The following MAPK10 variants were observed in gnomAD, a reference collection of about 807,000 sequenced individuals.
MAPK10 encodes the protein JNK3 alpha protein kinase.
Under a neutral mutation model 59.3 loss-of-function variants are expected in MAPK10, and 25 were observed. The observed-to-expected ratio is 0.42, with a 90% confidence interval of 0.31 to 0.59. The LOEUF is 0.59. MAPK10 is among the 20% of genes least tolerant of loss of function. The pLI is 0.15. For synonymous variants in MAPK10, 190 were observed against 200.5 expected, an observed-to-expected ratio of 0.95 and a Z score of 0.44; for missense variants, 351 against 568.9, an observed-to-expected ratio of 0.62 and a Z score of 3.90.
Position 86,067,908 on chromosome 4 carries a change from G to A in MAPK10, c.850C>T (p.Pro284Ser), listed in dbSNP as rs1330290049. 6.2e-7 allele frequency: 1 copy of A among 1,613,622 alleles called. No individual in the cohort carries two copies. Among genetic ancestry groups the A allele is most frequent in the African/African-American group, 1.3e-5 (1 of 74,888 alleles). Residue 284 changes from proline to serine, a missense_variant, in exon 10 of 14, where the codon CCA becomes TCA. Around this residue, in one of 5 missense-constraint regions of MAPK10, gnomAD observed 76 missense variants for 197.9 expected, o/e 0.38. Transcript: ENST00000641462. ...GGTTGCAATTTCTTCATGAATTCTG[G>A]ACATGGTGTTCCTAGTTGTTCAATT... is the stretch of plus-strand genomic sequence containing the variant. ...KVIEQLGTPCPEFMKKLQPTV... is the reference protein window; with the variant it reads ...KVIEQLGTPCSEFMKKLQPTV...
At chr4:86,212,986 T>C (rs2086285329) in intron 2 of MAPK10, among the ~76,000 whole-genome samples, 1 of 152,118 alleles carries the variant, frequency 6.6e-6, no homozygotes, top group Admixed American at 6.6e-5. Flanking sequence ...TAGTCCAAGA[T>C]ATAATACACT....
At chr4:86,091,027 T>C (rs2053028724) in intron 9 of MAPK10, 2 of 152,208 alleles carry the variant, frequency 1.3e-5, no homozygotes, top group Non-Finnish European at 2.9e-5. Context: ...TCTCTAAACC[T>C]CAATTTTATC....
intron 4 of MAPK10, among the ~76,000 whole-genome samples, chr4:86,144,030 A>G (rs970580268): frequency 6.6e-6 from 1 of 152,182 alleles, no homozygotes; most frequent in African/African-American, 2.4e-5. Flanking sequence ...TTTTGAATGC[A>G]TACAAGAGGA....
intron 2 of MAPK10, among the ~76,000 whole-genome samples, chr4:86,241,051 C>G (rs2092691717): frequency 6.6e-6 from 1 of 152,132 alleles, no homozygotes; most frequent in East Asian, 1.9e-4. Context: ...AATCCCTCAG[C>G]ATTTTCTTGT....
chr4:86,162,772 T>C (rs1388229448), intron 3 of MAPK10, among the ~76,000 whole-genome samples: 1 of 152,196 alleles, frequency 6.6e-6, no homozygotes, highest in African/African-American at 2.4e-5. Context: ...GGTATAAAGT[T>C]GTAATGTTTG....
At chr4:86,063,201 C>A (rs1239341764) in intron 11 of MAPK10, among the ~76,000 whole-genome samples, 3 of 152,148 alleles carry the variant, frequency 2.0e-5, no homozygotes, top group Non-Finnish European at 4.4e-5. Context: ...TCTTTCGTAT[C>A]TTCTCTAGTG....
chr4:86,292,600 T>C (rs964747529), intron 2 of MAPK10, among the ~76,000 whole-genome samples: 4 of 152,204 alleles, frequency 2.6e-5, no homozygotes, highest in East Asian at 1.9e-4. Context: ...TGTCTGCCTG[T>C]AGTCCTAACT....
rs370054012 is a variant in MAPK10, at chr4:86,293,426, G to T, written c.-7+61104C>A. On this transcript the variant is annotated intron_variant, in intron 2 of 13. Transcript: ENST00000641462. The stretch of plus-strand genomic sequence containing the variant: ...GAGCACAGAGCACTTCTTTAGAAAG[G>T]GTTTAACTTGCATCCCATGTCTGAT... Among the ~76,000 whole-genome samples, 39 of 152,224 alleles carry T rather than the reference G, an allele frequency of 2.6e-4. 1 individual carries two copies. The South Asian group carries it at 7.0e-3, about 28-fold the overall frequency.
At chr4:86,199,451 A>G (rs2082131464) in intron 2 of MAPK10, among the ~76,000 whole-genome samples, 1 of 152,046 alleles carries the variant, frequency 6.6e-6, no homozygotes, top group South Asian at 2.1e-4. Flanking sequence ...AATTTTGAAA[A>G]TATGCACAAC....
intron 3 of MAPK10, among the ~76,000 whole-genome samples, chr4:86,163,395 A>G (rs1375176516): frequency 6.6e-6 from 1 of 152,110 alleles, no homozygotes; most frequent in Non-Finnish European, 1.5e-5. Context: ...TTCTTTATAA[A>G]ATGTGCCCAT....
intron 9 of MAPK10, among the ~76,000 whole-genome samples, chr4:86,084,025 C>A (rs1261530332): frequency 6.6e-6 from 1 of 152,078 alleles, no homozygotes; most frequent in African/African-American, 2.4e-5. Flanking sequence ...ACTGAAGAGT[C>A]CTTGGTCCCT....
intron 2 of MAPK10, among the ~76,000 whole-genome samples, chr4:86,216,432 G>A (rs1434727065): frequency 1.3e-5 from 2 of 151,286 alleles, no homozygotes; most frequent in African/African-American, 4.9e-5. Flanking sequence ...CTACTCAATT[G>A]TACAATTAAA....
At chr4:86,505,102 G>T (rs2149081004) in intron 1 of MAPK10, among the ~76,000 whole-genome samples, 1 of 152,162 alleles carries the variant, frequency 6.6e-6, no homozygotes, top group East Asian at 1.9e-4. Flanking sequence ...AATTGTTTTG[G>T]TTCAACCTTC....
chr4:86,148,985 G>C (rs965513162), intron 4 of MAPK10, among the ~76,000 whole-genome samples: 1 of 152,138 alleles, frequency 6.6e-6, no homozygotes, highest in Admixed American at 6.5e-5. Flanking sequence ...AGAGGTAGGA[G>C]GGCACCAGGA....
chr4:86,102,104 C>A, intron 6 of MAPK10, 72 bp from the exon 7 acceptor site: 1 of 1,326,910 alleles, frequency 7.5e-7, no homozygotes, highest in Non-Finnish European at 1.1e-6. Flanking sequence ...AGTCAGAATG[C>A]TCTCCTAACT....
At chr4:86,588,927 A>C (rs950172267) in intron 1 of MAPK10, among the ~76,000 whole-genome samples, 14 of 152,234 alleles carry the variant, frequency 9.2e-5, no homozygotes, top group Admixed American at 4.6e-4. Flanking sequence ...GTTATTAAAC[A>C]GAAAAGAGCT....
At chr4:86,254,631 C>T (rs1273573572) in intron 2 of MAPK10, among the ~76,000 whole-genome samples, 1 of 140,882 alleles carries the variant, frequency 7.1e-6, no homozygotes, top group African/African-American at 2.9e-5. Flanking sequence ...TGGTGTGGTG[C>T]TGAAAAAAAT....
chr4:86,352,312 TCAA>T (rs1338335181), intron 2 of MAPK10: 2 of 152,016 alleles, frequency 1.3e-5, no homozygotes, highest in African/African-American at 4.8e-5. Context: ...ATCCAAATGT[TCAA>T]CAACAATAGA....
intron 9 of MAPK10, chr4:86,089,330 A>C: frequency 8.0e-7 from 1 of 1,244,592 alleles, no homozygotes; most frequent in Admixed American, 1.8e-5. Flanking sequence ...TAGAACAACA[A>C]ATAAATGAAA....
Sources: gnomAD v4.1 joint callset for allele counts (sites outside exome capture counted in the v4.1 genomes callset) on GRCh38, gnomAD v4.1.1 for gene constraint, gnomAD v4.1.1 regional missense constraint, MANE v1.5 for transcripts, NCBI Gene and HGNC (gene_info 2026-07-23, HGNC 2026-07-21) for gene names.